EBLN1: variants seen among roughly 807,000 people sequenced by gnomAD.
The protein encoded by EBLN1 is endogenous Bornavirus like nucleoprotein 1, also known as endogenous Bornavirus-like nucleoprotein 1.
In EBLN1, 1 loss-of-function variant was observed where a neutral mutation model predicts 0.8. The observed-to-expected ratio is 1.32, with a 90% CI of 0.47 to 6.26. EBLN1 has a LOEUF of 6.26. Ranked by LOEUF, EBLN1 falls within the 30% of genes most tolerant of loss-of-function variation. The pLI, the probability that EBLN1 is intolerant of heterozygous loss-of-function variation, is 0.15. For missense variants in EBLN1, 396 were observed against 447.9 expected (o/e 0.88, Z 1.05); for synonymous variants, 158 against 158.5 (o/e 1.00, Z 0.02).
chr10:22,208,682 A>C lies in EBLN1; in HGVS notation c.*201T>G, dbSNP rs1255947443. 3.6e-6 allele frequency: 2 copies of C among 551,594 alleles called. No individual in the cohort carries two copies. The highest frequency in any genetic ancestry group is 3.8e-5 in the Admixed American group (1 of 26,266). The allele number at this position is 551,594 out of a possible 1,614,324, so 34.2% of individuals were successfully genotyped here. ...TTTTTGGCCTCCAGTACTTAAAAAG[A>C]CTTTGGAGATCACATCTTTCAGTGG... On this transcript the variant is annotated 3_prime_UTR_variant, in exon 3 of 3. Transcript: ENST00000422359.
intron 1 of EBLN1, among the ~76,000 whole-genome samples, chr10:22,217,497 C>G (rs1834801889): frequency 6.6e-6 from 1 of 152,190 alleles, no homozygotes; most frequent in South Asian, 2.1e-4. Context: ...TCTGCTTTTT[C>G]TGTATATCCT....
chr10:22,211,517 G>C (rs2131944530), intron 2 of EBLN1, among the ~76,000 whole-genome samples: 1 of 151,734 alleles, frequency 6.6e-6, no homozygotes, highest in Middle Eastern at 3.4e-3. Context: ...TTTTGAGACA[G>C]GGTCTCACTT....
rs1213185370 is a variant in EBLN1, at chr10:22,210,024, T to A, written c.-41A>T. ...CTGTGATTTTCACACAATTTTGTAC[T>A]GTACTAAAAAAATATAGAGAATGGC... On this transcript the variant is annotated 5_prime_UTR_variant, in exon 3 of 3. Transcript: ENST00000422359. 7.5e-7 allele frequency: 1 copy of A among 1,334,136 alleles called. No individual in the cohort carries two copies. The highest frequency in any genetic ancestry group is 1.5e-5 in the African/African-American group (1 of 68,740). The allele number at this position is 1,334,136 out of a possible 1,614,324, so 82.6% of individuals were successfully genotyped here.
intron 1 of EBLN1, among the ~76,000 whole-genome samples, chr10:22,216,895 AT>A (rs1834796385): frequency 1.3e-5 from 2 of 152,198 alleles, no homozygotes; most frequent in South Asian, 4.1e-4. Context: ...ATTTTTTATG[AT>A]TTTCCTTAAG....
At chr10:22,216,912 T>A (rs1834796623) in intron 1 of EBLN1, among the ~76,000 whole-genome samples, 1 of 152,120 alleles carries the variant, frequency 6.6e-6, no homozygotes, top group Non-Finnish European at 1.5e-5. Flanking sequence ...TTAAGACTAT[T>A]TTATCGAGAT....
chr10:22,217,346 T>C (rs1176475470), intron 1 of EBLN1, among the ~76,000 whole-genome samples: 4 of 152,224 alleles, frequency 2.6e-5, no homozygotes, highest in African/African-American at 9.6e-5. Flanking sequence ...CTTATCATCC[T>C]GGTTTCTTTT....
intron 1 of EBLN1, among the ~76,000 whole-genome samples, chr10:22,213,623 T>C (rs1834770892): frequency 6.6e-6 from 1 of 152,192 alleles, no homozygotes; most frequent in Admixed American, 6.5e-5. Context: ...GAGTAAACCA[T>C]ATGTGATTTG....
Position 22,209,469 on chromosome 10 carries a change from A to G in EBLN1, c.515T>C (p.Ile172Thr), listed in dbSNP as rs547306288. Reference sequence around the variant, plus strand: ...ACTTTCACTATGCAAAGGTCTTCCAATGGATATCATCATTGCCTTGAATTG... The same window carrying G: ...ACTTTCACTATGCAAAGGTCTTCCAGTGGATATCATCATTGCCTTGAATTG... ...QRQFKAMMIS[I>T]GRPLHSESAD... Residue 172 changes from isoleucine (I) to threonine (T), a missense_variant, in exon 3 of 3, where the codon ATT (isoleucine) becomes ACT (threonine). By Grantham distance (89) the Ile-to-Thr change is moderately conservative. Transcript: ENST00000422359. 1.6e-5 allele frequency: 25 copies of G among 1,597,218 alleles called. No individual in the cohort carries two copies. The Admixed American group carries it at 2.0e-4, about 13-fold the overall frequency.
At position 22,211,240 on chromosome 10, in the gene EBLN1, C is replaced by T. The variant is rs1834750731; in HGVS notation, c.-44-1213G>A. ...TTGATTTGGGTGGTAAGTTGTGCAT[C>T]TCAATAAATATTTTTCTTTGCATTA... is the stretch of plus-strand genomic sequence containing the variant. On this transcript the variant is annotated intron_variant, in intron 2 of 2. Transcript: ENST00000422359. 3.3e-5 allele frequency among the ~76,000 whole-genome samples: 5 copies of T among 152,252 alleles called. No homozygotes were observed. In the South Asian group the frequency reaches 1.0e-3, roughly 32 times the overall value.
intron 1 of EBLN1, among the ~76,000 whole-genome samples, chr10:22,213,803 A>C (rs1321889131): frequency 6.6e-6 from 1 of 152,270 alleles, no homozygotes; most frequent in Non-Finnish European, 1.5e-5. Context: ...TTTAGAAAAC[A>C]TAACAAAACT....
In EBLN1 at chr10:22,209,198, T is replaced by C. The variant is rs763297829; in HGVS notation, c.786A>G (p.Pro262=). 73 of 1,537,684 alleles carry C rather than the reference T, an allele frequency of 4.7e-5. No individual in the cohort carries two copies. The highest frequency in any genetic ancestry group is 6.4e-5 in the Non-Finnish European group (73 of 1,148,002). Reference sequence around the variant, plus strand: ...CCAGTGGTTTCTTCTGCTCAAAAACTGGAATCTCCAACACAACAGCGGGTA... The same window carrying C: ...CCAGTGGTTTCTTCTGCTCAAAAACCGGAATCTCCAACACAACAGCGGGTA... ...TALPAVVLEI[P]VFEQKKPLAK... The change falls in exon 3 of 3, where the codon CCA becomes CCG. Residue 262 remains proline, a synonymous_variant. Transcript: ENST00000422359.
chr10:22,213,090 C>T (rs906695340), intron 1 of EBLN1, among the ~76,000 whole-genome samples, 125 bp from the exon 2 acceptor site: 2 of 152,130 alleles, frequency 1.3e-5, no homozygotes, highest in African/African-American at 2.4e-5. Context: ...GCATCTGAAG[C>T]ATGAAACGGT....
In EBLN1 at chr10:22,209,883, C is replaced by A. The variant is rs867691104; in HGVS notation, c.101G>T (p.Gly34Val). ...ATCTGCTGGATACTGTCTGCTCTTCCCAGAGAGCTCAAATCTCCCTTGAAA... is the reference window on the plus strand; with the variant it reads ...ATCTGCTGGATACTGTCTGCTCTTCACAGAGAGCTCAAATCTCCCTTGAAA... ...HYFQGRFELS[G>V]KSRQYPADAL... The change falls in exon 3 of 3, where the codon GGG becomes GTG. Residue 34 changes from glycine (G) to valine (V), a missense_variant. Transcript: ENST00000422359. 3 of 1,506,288 alleles carry A rather than the reference C, an allele frequency of 2.0e-6. No individual in the cohort carries two copies. The highest frequency in any genetic ancestry group is 3.4e-4 in the Middle Eastern group (2 of 5,808). 93.3% of individuals were successfully genotyped at this position (1,506,288 alleles called of 1,614,324 possible).
At chr10:22,217,586 C>T (rs1170493) in intron 1 of EBLN1, among the ~76,000 whole-genome samples, 52,861 of 151,920 alleles carry the variant, frequency 0.35, 11,524 homozygotes, top group African/African-American at 0.62. Flanking sequence ...CCTTGGTATA[C>T]GCAAGAAAAA....
Position 22,209,689 on chromosome 10 carries a change from T to C in EBLN1, c.295A>G (p.Ser99Gly). The C allele has an allele frequency of 6.5e-7, 1 of 1,535,880 alleles. No homozygotes were observed. The highest frequency in any genetic ancestry group is 1.7e-4 in the Middle Eastern group (1 of 5,990). ...CCAATCACAATATTAGACCTTTTGC[T>C]CACACCGACACTGAGTAGTGCCTTG... is the stretch of plus-strand genomic sequence containing the variant. ...LHKALLSVGVSKRSNIVIGNE... is the reference protein window; with the variant it reads ...LHKALLSVGVGKRSNIVIGNE... The change falls in exon 3 of 3, where the codon AGC (serine) becomes GGC (glycine). Residue 99 changes from serine to glycine, a missense_variant. By Grantham distance (56) the Ser-to-Gly change is moderately conservative. Coordinates refer to ENST00000422359, the MANE Select transcript of EBLN1 (RefSeq NM_001394757.1).
intron 1 of EBLN1, among the ~76,000 whole-genome samples, chr10:22,215,838 T>G (rs1229857586): frequency 6.6e-6 from 1 of 152,182 alleles, no homozygotes; most frequent in Non-Finnish European, 1.5e-5. Context: ...TTAAGTGTGC[T>G]GTGGTATATG....
rs530300108 is a variant in EBLN1 at position 22,212,841 on chromosome 10, C to T, written c.-45+1G>A. On this transcript the variant is annotated splice_donor_variant, in intron 2 of 2. Coordinates refer to ENST00000422359, the MANE Select transcript of EBLN1 (RefSeq NM_001394757.1). LOFTEE classifies it low-confidence loss of function (5UTR_SPLICE). The stretch of plus-strand genomic sequence containing the variant: ...AATTAGCTGGGCATGGTGGCACGTA[C>T]CTGCAGTCCTAGCTACTTTGGAGGC... Among the ~76,000 whole-genome samples the T allele has an allele frequency of 6.6e-6, 1 of 150,472 alleles. No homozygotes were observed. Among genetic ancestry groups the T allele is most frequent in the South Asian group, 2.1e-4 (1 of 4,748 alleles).
At position 22,208,976 on chromosome 10, in the gene EBLN1, T is replaced by A; in HGVS notation, c.1008A>T (p.Gln336His). The change falls in exon 3 of 3, where the codon CAA (glutamine) becomes CAT (histidine). Residue 336 changes from glutamine to histidine, a missense_variant. Gln to His is a conservative substitution (Grantham distance 24). Coordinates refer to ENST00000422359, the MANE Select transcript of EBLN1 (RefSeq NM_001394757.1). ...TGGAGATTTTCTGAGCAGATGCCAT[T>A]TGAAGTACAGGGAATGTAATAGTTG... is the stretch of plus-strand genomic sequence containing the variant. ...PGSTITFPVL[Q>H]MASAQKISRG... The A allele has an allele frequency of 6.5e-7, 1 of 1,535,700 alleles. No individual in the cohort carries two copies.
chr10:22,210,211 A>C (rs146743089), intron 2 of EBLN1, among the ~76,000 whole-genome samples, 184 bp from the exon 3 acceptor site: 1 of 152,302 alleles, frequency 6.6e-6, no homozygotes, highest in African/African-American at 2.4e-5. Flanking sequence ...TTCTACACCT[A>C]AATGTGCAGC....
Sources: gnomAD v4.1 joint callset for allele counts (sites outside exome capture counted in the v4.1 genomes callset) on GRCh38, gnomAD v4.1.1 for gene constraint, MANE v1.5 for transcripts, NCBI Gene and HGNC (gene_info 2026-07-23, HGNC 2026-07-21) for gene names.